The following RNF115 variants were observed in gnomAD, a reference collection of about 807,000 sequenced individuals.
The protein encoded by RNF115 is E3 ubiquitin-protein ligase RNF115.
In RNF115, 31 loss-of-function variants were observed where a neutral mutation model predicts 39.2. The observed-to-expected ratio is 0.79, with a 90% CI of 0.59 to 1.07. The LOEUF is 1.07. Among genes scored for constraint, RNF115 ranks in the 50% least tolerant of loss-of-function variants. The pLI is 0.00. For synonymous variants in RNF115, 124 were observed against 131.0 expected, an observed-to-expected ratio of 0.95 and a Z score of 0.37; for missense variants, 384 against 381.7, an observed-to-expected ratio of 1.01 and a Z score of -0.05.
chr1:145,763,247 A>G (rs1658600969), intron 4 of RNF115, among the ~76,000 whole-genome samples: 1 of 152,242 alleles, frequency 6.6e-6, no homozygotes, highest in African/African-American at 2.4e-5. Flanking sequence ...AGAACGTATT[A>G]TTTAGGTGGG....
Position 145,799,247 on chromosome 1 carries a change from T to C in RNF115, c.103-10281A>G, listed in dbSNP as rs1247513757. On this transcript the variant is annotated intron_variant, in intron 1 of 8. Coordinates refer to ENST00000582693, the MANE Select transcript of RNF115 (RefSeq NM_014455.4). ...CATGCCCAGCTAATTTTTGTATTTT[T>C]AGTAAAGACGGGGTTTCACCATGTT... Among the ~76,000 whole-genome samples the C allele has an allele frequency of 1.3e-5, 2 of 152,046 alleles. 1 individual carries two copies. Among genetic ancestry groups the C allele is most frequent in the Non-Finnish European group, 2.9e-5 (2 of 68,014 alleles).
rs1252478637 is a variant in RNF115 at position 145,743,764 on chromosome 1, G to C, written c.*3102C>G. 1 of 144,638 alleles carries C rather than the reference G, an allele frequency of 6.9e-6. No homozygotes were observed. The highest frequency in any genetic ancestry group is 1.5e-5 in the Non-Finnish European group (1 of 67,052). 9.0% of individuals were successfully genotyped at this position (144,638 alleles called of 1,614,324 possible). A position where few individuals can be genotyped will look rare whatever the true frequency, so the allele number is the denominator to read the frequency against. ...CCACTGCACTCCAGCCTAGGCGACA[G>C]AGCAAGCCTCCATCTCAAAAAATAA... On this transcript the variant is annotated 3_prime_UTR_variant, in exon 9 of 9. Coordinates refer to ENST00000582693, the MANE Select transcript of RNF115 (RefSeq NM_014455.4).
intron 4 of RNF115, among the ~76,000 whole-genome samples, chr1:145,757,327 T>A (rs1658340093): frequency 6.6e-6 from 1 of 152,142 alleles, no homozygotes; most frequent in African/African-American, 2.4e-5. Flanking sequence ...ACAAGTGGTA[T>A]CTCTCAGCAA....
In RNF115 at chr1:145,746,237, A is replaced by C. The variant is rs1261332089; in HGVS notation, c.*629T>G. 2.0e-5 allele frequency: 3 copies of C among 151,646 alleles called. No individual in the cohort carries two copies. The highest frequency in any genetic ancestry group is 1.5e-5 in the Non-Finnish European group (1 of 67,936). 9.4% of individuals were successfully genotyped at this position (151,646 alleles called of 1,614,324 possible). ...CGAGACTCCATCTCAAAAAAAAAAA[A>C]CAAAAAAAATTAAAATAAGAAAACC... On this transcript the variant is annotated 3_prime_UTR_variant, in exon 9 of 9. Coordinates refer to ENST00000582693, the MANE Select transcript of RNF115 (RefSeq NM_014455.4).
At chr1:145,765,217 G>A (rs1476446959) in intron 4 of RNF115, among the ~76,000 whole-genome samples, 2 of 152,136 alleles carry the variant, frequency 1.3e-5, no homozygotes, top group East Asian at 3.8e-4. Flanking sequence ...GATGCTTGAA[G>A]GCAGCATGCT....
rs1657620380 is a variant in RNF115 at position 145,739,305 on chromosome 1, T to G, written c.*7561A>C. On this transcript the variant is annotated 3_prime_UTR_variant, in exon 9 of 9. Coordinates refer to ENST00000582693, the MANE Select transcript of RNF115 (RefSeq NM_014455.4). Reference sequence around the variant, plus strand: ...AGGGGTAAGAGCACAGAAATTTAGCTACAGCTCCATGGTGAGCCATTAAAA... The same window carrying G: ...AGGGGTAAGAGCACAGAAATTTAGCGACAGCTCCATGGTGAGCCATTAAAA... The G allele has an allele frequency of 6.6e-6, 1 of 152,198 alleles. No homozygotes were observed. The highest frequency in any genetic ancestry group is 6.6e-5 in the Admixed American group (1 of 15,266). 9.4% of individuals were successfully genotyped at this position (152,198 alleles called of 1,614,324 possible). A position where few individuals can be genotyped will look rare whatever the true frequency, so the allele number is the denominator to read the frequency against.
At position 145,741,992 on chromosome 1, in the gene RNF115, C is replaced by T. The variant is rs1553711048; in HGVS notation, c.*4874G>A. The T allele has an allele frequency of 2.0e-5, 3 of 152,264 alleles. No individual in the cohort carries two copies. Among genetic ancestry groups the T allele is most frequent in the African/African-American group, 7.2e-5 (3 of 41,404 alleles). The allele number at this position is 152,264 out of a possible 1,614,324, so 9.4% of individuals were successfully genotyped here. ...GGCATGGTGGCACGTGCCTGTAATC[C>T]CAGCTACTTGGGAGGCTGAGGCAAG... On this transcript the variant is annotated 3_prime_UTR_variant, in exon 9 of 9. Coordinates refer to ENST00000582693, the MANE Select transcript of RNF115 (RefSeq NM_014455.4).
At chr1:145,766,490 G>A (rs1484046832) in intron 4 of RNF115, among the ~76,000 whole-genome samples, 1 of 151,966 alleles carries the variant, frequency 6.6e-6, no homozygotes, top group South Asian at 2.1e-4. Context: ...ATCATGGCCT[G>A]TTCCCAATGA....
chr1:145,764,669 A>G (rs1182076146), intron 4 of RNF115, among the ~76,000 whole-genome samples: 6 of 149,552 alleles, frequency 4.0e-5, no homozygotes, highest in Non-Finnish European at 8.9e-5. Context: ...GGAAGTGAGG[A>G]GCGTCTCTGC....
intron 4 of RNF115, among the ~76,000 whole-genome samples, chr1:145,755,665 G>A (rs1286596960): frequency 2.0e-5 from 3 of 152,112 alleles, no homozygotes; most frequent in Non-Finnish European, 2.9e-5. Flanking sequence ...GAGTATCTTT[G>A]GAACCCAGCA....
chr1:145,795,614 C>T (rs1406779446), intron 1 of RNF115, among the ~76,000 whole-genome samples: 1 of 152,104 alleles, frequency 6.6e-6, no homozygotes, highest in African/African-American at 2.4e-5. Context: ...AGAAGCTCAG[C>T]GGGCTTCACC....
chr1:145,763,784 TA>T (rs1391034742), intron 4 of RNF115, among the ~76,000 whole-genome samples: 2 of 152,186 alleles, frequency 1.3e-5, no homozygotes, highest in Non-Finnish European at 2.9e-5. Context: ...TGGTAATCTC[TA>T]TTACTTGTCT....
intron 1 of RNF115, among the ~76,000 whole-genome samples, chr1:145,791,344 T>G (rs1433746659): frequency 6.4e-5 from 6 of 93,632 alleles, no homozygotes; most frequent in African/African-American, 9.5e-5. Flanking sequence ...AAACCCCATC[T>G]CTACTTAAAA....
intron 1 of RNF115, 50 bp downstream of exon 1, chr1:145,823,722 G>C: frequency 7.3e-7 from 1 of 1,368,490 alleles, no homozygotes; most frequent in Non-Finnish European, 1.0e-6. Flanking sequence ...CGGGAAATCG[G>C]GGCCAGGAAT....
At chr1:145,748,700 A>G (rs1553712073) in intron 7 of RNF115, among the ~76,000 whole-genome samples, 1 of 152,044 alleles carries the variant, frequency 6.6e-6, no homozygotes, top group African/African-American at 2.4e-5. Context: ...CCTGGCCAAG[A>G]TGGTAAAAAC....
At chr1:145,747,019 C>G (rs1553711833) in intron 8 of RNF115, 22 bp from the exon 9 acceptor site, 2 of 1,601,444 alleles carry the variant, frequency 1.2e-6, no homozygotes, top group South Asian at 1.1e-5. Flanking sequence ...AAATATTAGT[C>G]TATGTGAAGA....
intron 1 of RNF115, among the ~76,000 whole-genome samples, chr1:145,791,311 A>C (rs1553718932): frequency 6.6e-6 from 1 of 151,090 alleles, no homozygotes; most frequent in African/African-American, 2.4e-5. Flanking sequence ...CGGGAATTCG[A>C]GATCAGCCTG....
At chr1:145,789,700 C>CTTTTTTT (rs67276251) in intron 1 of RNF115, among the ~76,000 whole-genome samples, 3 of 86,766 alleles carry the variant, frequency 3.5e-5, no homozygotes, top group African/African-American at 5.0e-5. Flanking sequence ...ACCCGGACTT[C>CTTTTTTT]TTTTTTTTTT....
chr1:145,768,358 C>G (rs587692955), intron 4 of RNF115, among the ~76,000 whole-genome samples: 2 of 152,354 alleles, frequency 1.3e-5, no homozygotes, highest in Non-Finnish European at 2.9e-5. Flanking sequence ...CTCTGTCGCC[C>G]AGGCTGGAGT....
Sources: allele counts gnomAD v4.1 joint callset (sites outside exome capture counted in the v4.1 genomes callset), GRCh38; gene constraint gnomAD v4.1.1; transcripts MANE v1.5; gene names NCBI Gene and HGNC (gene_info 2026-07-23, HGNC 2026-07-21).